Variants in FGF12 observed in about 807,000 individuals in gnomAD.
The protein encoded by FGF12 is fibroblast growth factor 12B.
FGF12 carries 14 observed loss-of-function variants against 23.6 expected under a neutral mutation model. The ratio of observed to expected loss-of-function variants is 0.59; its 90% confidence interval spans 0.39 to 0.93. The LOEUF is 0.93. FGF12 is among the 40% of genes least tolerant of loss of function. The probability of loss-of-function intolerance (pLI) is 0.00; values close to 1 mark genes in which losing one functional copy is unlikely to be tolerated. For synonymous variants in FGF12, 62 were observed against 77.3 expected, an observed-to-expected ratio of 0.80 and a Z score of 1.04; for missense variants, 175 against 217.8, an observed-to-expected ratio of 0.80 and a Z score of 1.24.
intron 2 of FGF12, among the ~76,000 whole-genome samples, chr3:192,579,073 T>C (rs1206301675): frequency 6.6e-6 from 1 of 152,242 alleles, no homozygotes; most frequent in Non-Finnish European, 1.5e-5. Flanking sequence ...TTTCACTAGT[T>C]CTTTTTCAAG....
intron 2 of FGF12, among the ~76,000 whole-genome samples, chr3:192,668,962 T>C (rs989514698): frequency 6.6e-6 from 1 of 152,044 alleles, no homozygotes; most frequent in African/African-American, 2.4e-5. Flanking sequence ...GTTAGGAAAT[T>C]AGAATAAGCA....
chr3:192,693,682 G>C (rs1290717989), intron 2 of FGF12, among the ~76,000 whole-genome samples: 2 of 152,034 alleles, frequency 1.3e-5, no homozygotes, highest in Admixed American at 1.3e-4. Context: ...AAATGATGTT[G>C]GGAAATCTAT....
intron 2 of FGF12, among the ~76,000 whole-genome samples, chr3:192,630,838 A>G (rs954037420): frequency 1.5e-4 from 22 of 151,618 alleles, no homozygotes; most frequent in African/African-American, 4.6e-4. Context: ...GATTACAGGC[A>G]TGAGCCACCG....
At chr3:192,625,110 T>C (rs888565431) in intron 2 of FGF12, among the ~76,000 whole-genome samples, 16 of 152,148 alleles carry the variant, frequency 1.1e-4, no homozygotes, top group Non-Finnish European at 2.1e-4. Context: ...TCTAATCTTT[T>C]GCTTTTATAG....
chr3:192,369,466 T>C, intron 2 of FGF12, among the ~76,000 whole-genome samples: 1 of 152,210 alleles, frequency 6.6e-6, no homozygotes, highest in East Asian at 1.9e-4. Flanking sequence ...TCAATCTTCA[T>C]ATTGTCTCAA....
intron 5 of FGF12, among the ~76,000 whole-genome samples, chr3:192,148,783 G>A (rs9877666): frequency 0.92 from 140,281 of 152,156 alleles, 64,872 homozygotes; most frequent in Middle Eastern, 0.98. Flanking sequence ...TAAGGAAGAG[G>A]GAGTTGAGAT....
rs79216524 is a variant in FGF12, at chr3:192,179,516, G to A, written c.229-8860C>T. Among the ~76,000 whole-genome samples the A allele has an allele frequency of 3.3e-3, 501 of 150,390 alleles. 8 individuals carry two copies. Among genetic ancestry groups the A allele is most frequent in the East Asian group, 0.032 (162 of 5,100 alleles). ...CTGAAACTCAGTTTCACATCTGTAA[G>A]TTAAGGTTAATTATATCATCACTGT... On this transcript the variant is annotated intron_variant, in intron 4 of 5. Coordinates refer to ENST00000445105, the MANE Select transcript of FGF12 (RefSeq NM_004113.6).
intron 4 of FGF12, among the ~76,000 whole-genome samples, chr3:192,178,302 A>C (rs1434331898): frequency 1.3e-5 from 2 of 152,168 alleles, no homozygotes; most frequent in Non-Finnish European, 2.9e-5. Flanking sequence ...CCTACCAAAG[A>C]AATGGTGGTA....
chr3:192,608,991 C>A (rs1481938040), intron 2 of FGF12, among the ~76,000 whole-genome samples: 1 of 152,120 alleles, frequency 6.6e-6, no homozygotes. Flanking sequence ...CTATAATGGG[C>A]ATCCAGCTTA....
At chr3:192,648,922 A>G (rs896351301) in intron 2 of FGF12, among the ~76,000 whole-genome samples, 3 of 152,188 alleles carry the variant, frequency 2.0e-5, no homozygotes, top group African/African-American at 7.2e-5. Flanking sequence ...TGGATTCTCA[A>G]ATAAATCAAG....
intron 2 of FGF12, among the ~76,000 whole-genome samples, chr3:192,651,055 C>T (rs1336924859): frequency 6.6e-6 from 1 of 152,192 alleles, no homozygotes; most frequent in Non-Finnish European, 1.5e-5. Flanking sequence ...ATCTGTACAT[C>T]TATGTCCTTT....
chr3:192,683,599 G>A (rs1023450698), intron 2 of FGF12, among the ~76,000 whole-genome samples: 6 of 152,040 alleles, frequency 3.9e-5, no homozygotes, highest in African/African-American at 7.3e-5. Context: ...ACATTTCCCC[G>A]CTCTATTAAG....
chr3:192,580,436 C>T (rs974966076), intron 2 of FGF12, among the ~76,000 whole-genome samples: 2 of 151,984 alleles, frequency 1.3e-5, no homozygotes, highest in East Asian at 1.9e-4. Context: ...ATCTAGTGAC[C>T]GCTGAACTGT....
intron 4 of FGF12, among the ~76,000 whole-genome samples, chr3:192,246,958 AAGAG>A (rs1323523745): frequency 6.7e-6 from 1 of 148,776 alleles, no homozygotes; most frequent in African/African-American, 2.5e-5. Flanking sequence ...AAGAAAAGGA[AAGAG>A]AGGGAGGGAG....
At chr3:192,663,115 G>A (rs1233935386) in intron 2 of FGF12, among the ~76,000 whole-genome samples, 1 of 152,186 alleles carries the variant, frequency 6.6e-6, no homozygotes, top group Admixed American at 6.5e-5. Context: ...TGGAAAACTT[G>A]CAGACAGAAA....
intron 2 of FGF12, among the ~76,000 whole-genome samples, chr3:192,391,092 A>C (rs951684287): frequency 6.6e-6 from 1 of 152,238 alleles, no homozygotes; most frequent in African/African-American, 2.4e-5. Context: ...AGGAGAAACC[A>C]TAGCCGAGCA....
intron 4 of FGF12, among the ~76,000 whole-genome samples, chr3:192,299,118 T>C (rs1715203408): frequency 6.6e-6 from 1 of 152,052 alleles, no homozygotes; most frequent in Admixed American, 6.6e-5. Context: ...TCAATATCAG[T>C]GAGGATTCAA....
chr3:192,579,383 A>C (rs1253096036), intron 2 of FGF12, among the ~76,000 whole-genome samples: 1 of 152,286 alleles, frequency 6.6e-6, no homozygotes, highest in African/African-American at 2.4e-5. Context: ...ACTCATTCTC[A>C]AGATACATTT....
rs571989258 is a variant in FGF12 at position 192,395,718 on chromosome 3, G to A, written c.14-35180C>T. On this transcript the variant is annotated intron_variant, in intron 2 of 5. Transcript: ENST00000445105. ...CGCAGACAACAGTGCAGGGTATAAA[G>A]CCTGGGGCAGGCAGTGATTCATTCT... 2.0e-5 allele frequency among the ~76,000 whole-genome samples: 3 copies of A among 152,306 alleles called. No individual in the cohort carries two copies. In the East Asian group the frequency reaches 5.8e-4, roughly 29 times the overall value.
Sources: gnomAD v4.1 joint callset for allele counts (sites outside exome capture counted in the v4.1 genomes callset) on GRCh38, gnomAD v4.1.1 for gene constraint, MANE v1.5 for transcripts, NCBI Gene and HGNC (gene_info 2026-07-23, HGNC 2026-07-21) for gene names.